The following SHC4 variants were observed in gnomAD, a reference collection of about 807,000 sequenced individuals.
SHC4 encodes the protein SHC adaptor protein 4.
In SHC4, 41 loss-of-function variants were observed where a neutral mutation model predicts 69.4. The observed-to-expected ratio is 0.59, with a 90% CI of 0.46 to 0.77. The LOEUF is 0.77. Among genes scored for constraint, SHC4 ranks in the 30% least tolerant of loss-of-function variants. The pLI, the probability that SHC4 is intolerant of heterozygous loss-of-function variation, is 0.00. For synonymous variants in SHC4, 318 were observed against 299.3 expected (o/e 1.06, Z -0.64); for missense variants, 777 against 783.8 (o/e 0.99, Z 0.10).
chr15:48,859,380 TA>T (rs1046622199), intron 6 of SHC4, among the ~76,000 whole-genome samples: 1 of 151,638 alleles, frequency 6.6e-6, no homozygotes, highest in African/African-American at 2.4e-5. Flanking sequence ...CAAACAATGC[TA>T]AGGTATCAAA....
chr15:48,935,217 G>A (rs1901045273), intron 1 of SHC4, among the ~76,000 whole-genome samples: 1 of 152,208 alleles, frequency 6.6e-6, no homozygotes, highest in Non-Finnish European at 1.5e-5. Context: ...ATGGATAAAT[G>A]AATGAGGCAT....
chr15:48,876,007 G>A (rs952581230), intron 4 of SHC4, among the ~76,000 whole-genome samples: 1 of 152,224 alleles, frequency 6.6e-6, no homozygotes, highest in African/African-American at 2.4e-5. Flanking sequence ...GAAGTGAGAT[G>A]GCTTTCTAAA....
At position 48,962,694 on chromosome 15, in the gene SHC4, A is replaced by G; in HGVS notation, c.322T>C (p.Cys108Arg). Residue 108 changes from cysteine to arginine, a missense_variant, in exon 1 of 12, where the codon TGC (cysteine) becomes CGC (arginine). Transcript: ENST00000332408. ...PATLLSLKNF[C>R]LGTKEVPRLK... Reference sequence around the variant, plus strand: ...CGAGGCACCTCTTTGGTACCCAGGCAAAAGTTTTTCAGACTCAGCAAAGTG... The same window carrying G: ...CGAGGCACCTCTTTGGTACCCAGGCGAAAGTTTTTCAGACTCAGCAAAGTG... The G allele has an allele frequency of 6.2e-7, 1 of 1,614,164 alleles. No homozygotes were observed.
intron 1 of SHC4, among the ~76,000 whole-genome samples, chr15:48,942,775 A>G (rs1279576920): frequency 2.6e-5 from 4 of 152,204 alleles, no homozygotes; most frequent in Non-Finnish European, 4.4e-5. Context: ...ATAGCTAATA[A>G]GAAGTGTAGT....
At chr15:48,905,470 C>G (rs1236074563) in intron 2 of SHC4, among the ~76,000 whole-genome samples, 1 of 152,210 alleles carries the variant, frequency 6.6e-6, no homozygotes, top group African/African-American at 2.4e-5. Flanking sequence ...GTTCAAAAGG[C>G]CTATTCTTAC....
At chr15:48,898,773 A>T (rs1264395229) in intron 2 of SHC4, among the ~76,000 whole-genome samples, 1 of 152,238 alleles carries the variant, frequency 6.6e-6, no homozygotes, top group Non-Finnish European at 1.5e-5. Context: ...ACAATCATGT[A>T]TCTCAAAATT....
intron 2 of SHC4, among the ~76,000 whole-genome samples, chr15:48,916,113 T>C (rs1286260717): frequency 2.0e-5 from 3 of 152,210 alleles, no homozygotes; most frequent in Admixed American, 2.0e-4. Context: ...AACGCCAGAC[T>C]GTTTTCAAAC....
intron 2 of SHC4, among the ~76,000 whole-genome samples, chr15:48,895,517 G>A (rs1900207374): frequency 6.6e-6 from 1 of 152,096 alleles, no homozygotes; most frequent in African/African-American, 2.4e-5. Context: ...AAAGTGGTAG[G>A]GGCTGACTCT....
chr15:48,958,995 G>C (rs1184079180), intron 1 of SHC4, among the ~76,000 whole-genome samples: 5 of 152,170 alleles, frequency 3.3e-5, no homozygotes, highest in African/African-American at 1.2e-4. Flanking sequence ...ACTCAAAACA[G>C]GTGGTCAGGA....
chr15:48,900,837 C>T (rs535758769), intron 2 of SHC4, among the ~76,000 whole-genome samples: 1 of 152,270 alleles, frequency 6.6e-6, no homozygotes, highest in South Asian at 2.1e-4. Context: ...GCTTGGGGGT[C>T]AGAAGTTTTA....
rs1305849355 is a variant in SHC4 at position 48,835,037 on chromosome 15, C to T, written c.1484-15G>A. ...TTCTGGTGCCTCTGAAGTCAGAACA[C>T]AAAGAGAGACATCATCGAGTTACCT... On this transcript the variant is annotated splice_polypyrimidine_tract_variant and intron_variant, in intron 10 of 11. Transcript: ENST00000332408. 7 of 1,598,888 alleles carry T rather than the reference C, an allele frequency of 4.4e-6. No individual in the cohort carries two copies. Among genetic ancestry groups the T allele is most frequent in the Non-Finnish European group, 5.1e-6 (6 of 1,172,242 alleles).
chr15:48,871,858 A>G (rs1329121734), intron 5 of SHC4, among the ~76,000 whole-genome samples: 2 of 152,260 alleles, frequency 1.3e-5, no homozygotes, highest in Non-Finnish European at 1.5e-5. Flanking sequence ...CTACTAGCTC[A>G]TCTACTAATC....
intron 2 of SHC4, among the ~76,000 whole-genome samples, chr15:48,896,066 C>T (rs1028798956): frequency 3.9e-5 from 6 of 152,004 alleles, no homozygotes; most frequent in South Asian, 4.2e-4. Flanking sequence ...CCAGTCTGGG[C>T]GACAGAGCAA....
intron 9 of SHC4, among the ~76,000 whole-genome samples, chr15:48,844,376 C>T (rs1381475568): frequency 2.0e-5 from 3 of 152,172 alleles, no homozygotes; most frequent in Non-Finnish European, 4.4e-5. Flanking sequence ...GTAGGCCTTG[C>T]TCTGTCTACC....
At chr15:48,855,228 T>C (rs1167308726) in intron 8 of SHC4, among the ~76,000 whole-genome samples, 1 of 151,570 alleles carries the variant, frequency 6.6e-6, no homozygotes, top group Non-Finnish European at 1.5e-5. Context: ...TAAAATAAAA[T>C]AAAAGTTGAA....
chr15:48,945,495 C>G (rs1297004281), intron 1 of SHC4, among the ~76,000 whole-genome samples: 1 of 152,114 alleles, frequency 6.6e-6, no homozygotes. Context: ...GAATGGATAA[C>G]AAAATGTGGT....
chr15:48,849,457 T>C (rs1033853186), intron 9 of SHC4, among the ~76,000 whole-genome samples: 1 of 152,236 alleles, frequency 6.6e-6, no homozygotes, highest in East Asian at 1.9e-4. Flanking sequence ...TTAAGGTGTG[T>C]CTTCCTGGCT....
intron 6 of SHC4, among the ~76,000 whole-genome samples, chr15:48,864,983 C>G (rs1339664839): frequency 1.3e-5 from 2 of 152,192 alleles, no homozygotes; most frequent in Admixed American, 6.5e-5. Flanking sequence ...TTCGCACAAC[C>G]TGCAAACACT....
intron 10 of SHC4, among the ~76,000 whole-genome samples, chr15:48,842,763 T>C (rs138161534): frequency 1.9e-3 from 290 of 152,018 alleles, no homozygotes; most frequent in African/African-American, 6.8e-3. Context: ...ACACCCTGTG[T>C]TTACAAAAAA....
Sources: allele counts gnomAD v4.1 joint callset (sites outside exome capture counted in the v4.1 genomes callset), GRCh38; gene constraint gnomAD v4.1.1; transcripts MANE v1.5; gene names NCBI Gene and HGNC (gene_info 2026-07-23, HGNC 2026-07-21).